CCDC152: variants seen among roughly 807,000 people sequenced by gnomAD.
CCDC152 encodes the protein coiled-coil domain containing 152, also known as coiled-coil domain-containing protein 152.
A neutral mutation model predicts 38.1 loss-of-function variants in CCDC152; 37 were observed. The ratio of observed to expected loss-of-function variants is 0.97; its 90% CI spans 0.75 to 1.28. The LOEUF (loss-of-function observed/expected upper bound fraction) is 1.28. CCDC152 is among the 50% of genes most tolerant of loss of function. The pLI is 0.00. For missense variants in CCDC152, 259 were observed against 292.1 expected, an observed-to-expected ratio of 0.89 and a Z score of 0.83; for synonymous variants, 83 against 87.1, an observed-to-expected ratio of 0.95 and a Z score of 0.26.
intron 6 of CCDC152, among the ~76,000 whole-genome samples, chr5:42,788,267 C>T (rs1384211991): frequency 1.3e-5 from 2 of 150,456 alleles, no homozygotes; most frequent in African/African-American, 4.9e-5. Flanking sequence ...TCAGTTTCTT[C>T]TGGCTTGTAA....
chr5:42,792,898 T>C (rs1760023740), intron 6 of CCDC152, among the ~76,000 whole-genome samples: 1 of 152,150 alleles, frequency 6.6e-6, no homozygotes, highest in Admixed American at 6.5e-5. Context: ...GAGAGGCTCA[T>C]TGTCATGGCG....
chr5:42,769,720 TA>T, intron 4 of CCDC152, 55 bp downstream of exon 4: 2 of 1,435,904 alleles, frequency 1.4e-6, no homozygotes, highest in Non-Finnish European at 1.8e-6. Flanking sequence ...TGAGCACCTT[TA>T]AAAATAGGAA....
intron 5 of CCDC152, among the ~76,000 whole-genome samples, chr5:42,782,561 A>C (rs746341224): frequency 6.6e-6 from 1 of 152,078 alleles, no homozygotes; most frequent in Non-Finnish European, 1.5e-5. Flanking sequence ...TGAAAGGATA[A>C]AAAATTTTAG....
At position 42,756,862 on chromosome 5, in the gene CCDC152, G is replaced by T. The variant is rs1488512756; in HGVS notation, c.-26G>T. On this transcript the variant is annotated 5_prime_UTR_variant, in exon 1 of 9. Transcript: ENST00000361970. ...CCCAGAGGCAGCGGAAAGGGAGACT[G>T]TGGGGAACTAGGAGCAACAGCAGGT... 1.3e-5 allele frequency: 2 copies of T among 152,848 alleles called. No individual in the cohort carries two copies. Among genetic ancestry groups the T allele is most frequent in the African/African-American group, 2.4e-5 (1 of 41,468 alleles). 9.5% of individuals were successfully genotyped at this position (152,848 alleles called of 1,614,324 possible). A position where few individuals can be genotyped will look rare whatever the true frequency, so the allele number is the denominator to read the frequency against.
chr5:42,757,365 C>G (rs903808530), intron 1 of CCDC152, among the ~76,000 whole-genome samples: 2 of 151,996 alleles, frequency 1.3e-5, no homozygotes, highest in Non-Finnish European at 2.9e-5. Flanking sequence ...GGGGAGAGGA[C>G]GAGCCCCGGG....
chr5:42,762,888 T>A (rs1166138357), intron 3 of CCDC152, among the ~76,000 whole-genome samples: 1 of 152,216 alleles, frequency 6.6e-6, no homozygotes, highest in Non-Finnish European at 1.5e-5. Context: ...TACCTTATAA[T>A]TACATCAAAA....
chr5:42,760,826 T>A (rs531156656), intron 2 of CCDC152, among the ~76,000 whole-genome samples: 1 of 152,268 alleles, frequency 6.6e-6, no homozygotes, highest in South Asian at 2.1e-4. Flanking sequence ...TAATAAGAGA[T>A]AAAAGAGAAA....
intron 3 of CCDC152, among the ~76,000 whole-genome samples, chr5:42,764,969 G>A (rs1032122878): frequency 1.2e-4 from 18 of 152,144 alleles, no homozygotes; most frequent in Admixed American, 1.2e-3. Flanking sequence ...AAATTGGAAA[G>A]GAAGAAGTCA....
chr5:42,787,024 A>C (rs1301382055), intron 6 of CCDC152, among the ~76,000 whole-genome samples: 1 of 151,898 alleles, frequency 6.6e-6, no homozygotes, highest in Non-Finnish European at 1.5e-5. Context: ...GTTTGATATA[A>C]TTTTATTTAA....
At chr5:42,773,787 A>G (rs190072108) in intron 4 of CCDC152, among the ~76,000 whole-genome samples, 4 of 152,320 alleles carry the variant, frequency 2.6e-5, no homozygotes, top group Admixed American at 1.3e-4. Flanking sequence ...GACTTGAAAA[A>G]ATGTCAGCCA....
intron 1 of CCDC152, 90 bp downstream of exon 1, chr5:42,756,975 A>G (rs1204397563): frequency 2.6e-5 from 4 of 152,678 alleles, no homozygotes; most frequent in Admixed American, 2.6e-4. Context: ...CTCTGGGTCC[A>G]TTACAGGCTT....
rs757107451 is a variant in CCDC152 at position 42,801,078 on chromosome 5, A to G, written c.*1297A>G. The G allele has an allele frequency of 5.0e-6, 8 of 1,614,140 alleles. No homozygotes were observed. The highest frequency in any genetic ancestry group is 3.3e-5 in the South Asian group (3 of 91,066). On this transcript the variant is annotated 3_prime_UTR_variant, in exon 9 of 9. Coordinates refer to ENST00000361970, the MANE Select transcript of CCDC152 (RefSeq NM_001134848.2). ...ATCTTGTAAATCTTCACTTGCTGGCATATCTCGGTTCTCTGGGTGACCCTG... is the reference window on the plus strand; with the variant it reads ...ATCTTGTAAATCTTCACTTGCTGGCGTATCTCGGTTCTCTGGGTGACCCTG...
At chr5:42,798,105 T>C (rs1417774043) in intron 7 of CCDC152, among the ~76,000 whole-genome samples, 1 of 152,136 alleles carries the variant, frequency 6.6e-6, no homozygotes, top group Non-Finnish European at 1.5e-5. Context: ...GAGCCGAGAT[T>C]GTGCCACTGC....
intron 6 of CCDC152, among the ~76,000 whole-genome samples, chr5:42,789,553 T>A (rs982806554): frequency 6.6e-6 from 1 of 152,208 alleles, no homozygotes; most frequent in African/African-American, 2.4e-5. Context: ...TGTATGTAAA[T>A]ACAACATTTC....
chr5:42,789,818 C>T (rs1034313726), intron 6 of CCDC152, among the ~76,000 whole-genome samples: 16 of 151,966 alleles, frequency 1.1e-4, no homozygotes, highest in Non-Finnish European at 1.9e-4. Context: ...ACATCATATG[C>T]AGCAATTAAC....
intron 2 of CCDC152, among the ~76,000 whole-genome samples, chr5:42,761,792 G>C (rs1389579094): frequency 6.6e-6 from 1 of 152,136 alleles, no homozygotes; most frequent in Non-Finnish European, 1.5e-5. Flanking sequence ...TTAACCATGG[G>C]ACTGAGAGTT....
At chr5:42,798,871 A>AT (rs1449896063) in intron 7 of CCDC152, among the ~76,000 whole-genome samples, 3 of 152,214 alleles carry the variant, frequency 2.0e-5, no homozygotes, top group African/African-American at 4.8e-5. Context: ...GGTTCAAACT[A>AT]TATCGACAAG....
At chr5:42,762,933 A>T (rs1759574354) in intron 3 of CCDC152, among the ~76,000 whole-genome samples, 1 of 152,224 alleles carries the variant, frequency 6.6e-6, no homozygotes, top group African/African-American at 2.4e-5. Flanking sequence ...TTGTGTTAAA[A>T]ATGAATCTGT....
intron 6 of CCDC152, among the ~76,000 whole-genome samples, chr5:42,794,447 A>G (rs1427053578): frequency 6.6e-6 from 1 of 152,206 alleles, no homozygotes; most frequent in African/African-American, 2.4e-5. Flanking sequence ...TTTCCTTATT[A>G]CTGAGATGAT....
Sources: gnomAD v4.1 joint callset for allele counts (sites outside exome capture counted in the v4.1 genomes callset) on GRCh38, gnomAD v4.1.1 for gene constraint, MANE v1.5 for transcripts, NCBI Gene and HGNC (gene_info 2026-07-23, HGNC 2026-07-21) for gene names.